Variants in ADCY9 observed in about 807,000 individuals in gnomAD.
The protein encoded by ADCY9 is adenylate cyclase type 9.
ADCY9 carries 50 observed loss-of-function variants against 101.5 expected under a neutral mutation model. That is an observed-to-expected ratio of 0.49 (90% confidence interval 0.39 to 0.62). The LOEUF (loss-of-function observed/expected upper bound fraction) is 0.62, where lower values mean the gene tolerates loss of function less well. Ranked by LOEUF, ADCY9 falls within the 20% of genes least tolerant of loss-of-function variation. The pLI is 0.00. For synonymous variants in ADCY9, 905 were observed against 769.3 expected (o/e 1.18, Z -2.92); for missense variants, 1,662 against 1,800.4 (o/e 0.92, Z 1.39).
intron 2 of ADCY9, among the ~76,000 whole-genome samples, chr16:4,026,780 C>T (rs570162229): frequency 2.0e-5 from 3 of 152,276 alleles, no homozygotes; most frequent in Non-Finnish European, 4.4e-5. Context: ...TAATGACAGG[C>T]TCCCAAAGGC....
At chr16:4,110,364 T>C (rs920520389) in intron 2 of ADCY9, among the ~76,000 whole-genome samples, 2 of 147,866 alleles carry the variant, frequency 1.4e-5, no homozygotes, top group Non-Finnish European at 3.0e-5. Context: ...TTTGCAATCA[T>C]ACTTATACCT....
rs370330091 is a variant in ADCY9 at position 3,980,035 on chromosome 16, G to A, written c.2520-760C>T. On this transcript the variant is annotated intron_variant, in intron 7 of 10. Coordinates refer to ENST00000294016, the MANE Select transcript of ADCY9 (RefSeq NM_001116.4). ...CCACAGGCTGAACCTGGCTCGTGGC[G>A]CTTAGACCACCAAACCCGCACACGC... Among the ~76,000 whole-genome samples, 20 of 152,340 alleles carry A rather than the reference G, an allele frequency of 1.3e-4. No homozygotes were observed. In the East Asian group the frequency reaches 1.5e-3, roughly 12 times the overall value.
Position 3,977,540 on chromosome 16 carries a change from C to T in ADCY9, c.2770G>A (p.Ala924Thr), listed in dbSNP as rs763272036. The change falls in exon 9 of 11, where the codon GCC becomes ACC. Residue 924 changes from alanine (A) to threonine (T), a missense_variant. Physicochemically the swap from Ala to Thr is moderately conservative, Grantham distance 58 (BLOSUM62 0). This residue lies in a region of ADCY9 where 624 missense variants were observed against 639.1 expected (regional missense o/e 0.98). Transcript: ENST00000294016. ...QLSSWMRSSL[A>T]TVVGAGPLLL... The stretch of plus-strand genomic sequence containing the variant: ...AGCGGCCCGGCCCCCACGACGGTGG[C>T]GAGGGAGGACCTCATCCAGGAGCTG... The T allele has an allele frequency of 4.4e-6, 7 of 1,602,876 alleles. No homozygotes were observed. Among genetic ancestry groups the T allele is most frequent in the Admixed American group, 3.4e-5 (2 of 58,458 alleles).
intron 2 of ADCY9, among the ~76,000 whole-genome samples, chr16:4,039,679 C>CAAACA (rs1491555405): frequency 3.1e-5 from 2 of 64,652 alleles, no homozygotes; most frequent in African/African-American, 4.9e-5. Context: ...AACTCTGTCT[C>CAAACA]AAAAAAAAAA....
At chr16:4,015,683 G>A (rs992926805) in intron 2 of ADCY9, 2 of 152,146 alleles carry the variant, frequency 1.3e-5, no homozygotes, top group African/African-American at 4.8e-5. Flanking sequence ...TAATGGAAAT[G>A]CTGGCCGGCG....
In ADCY9 at chr16:4,097,550, TA is replaced by T. The variant is rs1297718535; in HGVS notation, c.1693+16199del. On this transcript the variant is annotated intron_variant, in intron 2 of 10. Coordinates refer to ENST00000294016, the MANE Select transcript of ADCY9 (RefSeq NM_001116.4). Reference sequence around the variant, plus strand: ...GTACATATATATATATATATATATATATATTTTTTTTTTTTTTTTTTAAGAC... The same window carrying T: ...GTACATATATATATATATATATATATTATTTTTTTTTTTTTTTTTTAAGAC... Among the ~76,000 whole-genome samples the T allele has an allele frequency of 9.4e-3, 452 of 47,964 alleles. 9 individuals carry two copies. The highest frequency in any genetic ancestry group is 0.019 in the South Asian group (35 of 1,828). The allele number at this position is 47,964 out of a possible 152,430, so 31.5% of individuals were successfully genotyped here. A position where few individuals can be genotyped will look rare whatever the true frequency, so the allele number is the denominator to read the frequency against.
intron 2 of ADCY9, among the ~76,000 whole-genome samples, chr16:4,050,054 G>A (rs961082577): frequency 6.6e-6 from 1 of 151,726 alleles, no homozygotes; most frequent in Admixed American, 6.6e-5. Context: ...GAACTATCCC[G>A]AGAGTCCACT....
At chr16:4,023,917 C>T (rs1398119877) in intron 2 of ADCY9, among the ~76,000 whole-genome samples, 3 of 152,000 alleles carry the variant, frequency 2.0e-5, no homozygotes, top group Non-Finnish European at 4.4e-5. Context: ...CTCAAAACGA[C>T]AAGAGGCATC....
In ADCY9 at chr16:3,992,327, G is replaced by A; in HGVS notation, c.2026C>T (p.Leu676Phe). 1 of 1,614,128 alleles carries A rather than the reference G, an allele frequency of 6.2e-7. No individual in the cohort carries two copies. Among genetic ancestry groups the A allele is most frequent in the Non-Finnish European group, 8.5e-7 (1 of 1,180,020 alleles). ...TTCTCCTCTTGGGGAGGGCTGAGGAGCCCGTTCTGAGTTTTGGGATTAGGT... is the reference window on the plus strand; with the variant it reads ...TTCTCCTCTTGGGGAGGGCTGAGGAACCCGTTCTGAGTTTTGGGATTAGGT... The part of the protein sequence containing the change: ...GGPNPKTQNG[L>F]LSPPQEEKLT... The change falls in exon 5 of 11, where the codon CTC (leucine) becomes TTC (phenylalanine). Residue 676 changes from leucine (L) to phenylalanine (F), a missense_variant. This residue lies in a region of ADCY9 where 624 missense variants were observed against 639.1 expected (regional missense o/e 0.98). Transcript: ENST00000294016. The surrounding 1 kb of genome is among the most constrained non-coding windows in gnomAD (Gnocchi z 4.2).
intron 2 of ADCY9, among the ~76,000 whole-genome samples, chr16:4,032,288 CAA>C (rs879474551): frequency 1.4e-5 from 2 of 139,166 alleles, no homozygotes; most frequent in Non-Finnish European, 1.6e-5. Flanking sequence ...GACTCCATCT[CAA>C]AAAAAAAAAG....
rs144212500 is a variant in ADCY9, at chr16:4,025,210, T to C, written c.1694-17652A>G. ...AAACCCCCGTCTCTATTAAAAAATA[T>C]ATATATACAAAAATTAGCCAGGCAT... On this transcript the variant is annotated intron_variant, in intron 2 of 10. Transcript: ENST00000294016. 3.6e-3 allele frequency among the ~76,000 whole-genome samples: 548 copies of C among 151,832 alleles called. 2 individuals carry two copies. Among genetic ancestry groups the C allele is most frequent in the African/African-American group, 0.013 (522 of 41,396 alleles).
intron 2 of ADCY9, among the ~76,000 whole-genome samples, chr16:4,024,500 T>C (rs993974603): frequency 1.2e-4 from 18 of 152,300 alleles, no homozygotes; most frequent in African/African-American, 4.1e-4. Flanking sequence ...TGAACTTGAT[T>C]TGAGTTTCAC....
At chr16:4,062,512 G>A (rs748457015) in intron 2 of ADCY9, among the ~76,000 whole-genome samples, 2 of 152,158 alleles carry the variant, frequency 1.3e-5, no homozygotes, top group Non-Finnish European at 2.9e-5. Flanking sequence ...GGAGAAAAAT[G>A]TACTATGCAA....
chr16:3,988,583 C>A (rs1310027427), intron 6 of ADCY9, among the ~76,000 whole-genome samples: 10 of 119,724 alleles, frequency 8.4e-5, no homozygotes, highest in Non-Finnish European at 1.7e-4. Context: ...GGTGGGGGAC[C>A]CCTTCCATGG....
At chr16:3,990,139 G>T (rs182620290) in intron 5 of ADCY9, among the ~76,000 whole-genome samples, 2 of 152,158 alleles carry the variant, frequency 1.3e-5, no homozygotes, top group African/African-American at 4.8e-5. Flanking sequence ...AGCTGTGTTA[G>T]CCTCTCTCCC....
rs183260571 is a variant in ADCY9, at chr16:3,953,661, G to A, written c.568-145C>T. On this transcript the variant is annotated intron_variant, in intron 5 of 5. Coordinates refer to the ADCY9 transcript ENST00000576936. ...AATGGACGGATTCTTTAACACCTGT[G>A]GATTTCCTTATTCTGTGACTAGCAA... 4.6e-5 allele frequency: 7 copies of A among 152,278 alleles called. No homozygotes were observed. In the East Asian group the frequency reaches 1.2e-3, roughly 25 times the overall value. The allele number at this position is 152,278 out of a possible 1,614,324, so 9.4% of individuals were successfully genotyped here. A position where few individuals can be genotyped will look rare whatever the true frequency, so the allele number is the denominator to read the frequency against.
At chr16:4,083,233 T>G (rs1046514165) in intron 2 of ADCY9, among the ~76,000 whole-genome samples, 1 of 152,264 alleles carries the variant, frequency 6.6e-6, no homozygotes. Context: ...CAATATAACA[T>G]GCTTATTTTA....
intron 2 of ADCY9, among the ~76,000 whole-genome samples, chr16:4,037,945 T>C (rs2056600473): frequency 6.6e-6 from 1 of 152,176 alleles, no homozygotes; most frequent in African/African-American, 2.4e-5. Context: ...CCCCCAAAAT[T>C]GACGTGTTTA....
chr16:4,096,285 G>GT (rs796828832), intron 2 of ADCY9, among the ~76,000 whole-genome samples: 21 of 152,272 alleles, frequency 1.4e-4, no homozygotes, highest in African/African-American at 4.8e-4. Flanking sequence ...TCCCAATCAC[G>GT]TGAGAATCTC....
Sources: allele counts gnomAD v4.1 joint callset (sites outside exome capture counted in the v4.1 genomes callset), GRCh38; gene constraint gnomAD v4.1.1; regional missense constraint gnomAD v4.1.1; non-coding constraint Gnocchi (gnomAD v3.1); transcripts MANE v1.5; gene names NCBI Gene and HGNC (gene_info 2026-07-23, HGNC 2026-07-21).